Variants in REC114 observed in about 807,000 individuals in gnomAD.
REC114 encodes the protein meiotic recombination protein REC114.
Under a neutral mutation model 31.3 loss-of-function variants are expected in REC114, and 27 were observed. The ratio of observed to expected loss-of-function variants is 0.86; its 90% CI spans 0.64 to 1.19. The LOEUF (loss-of-function observed/expected upper bound fraction) is 1.19, where lower values mean the gene tolerates loss of function less well. REC114 is among the 50% of genes most tolerant of loss of function. The pLI is 0.00. For synonymous variants in REC114, 134 were observed against 127.7 expected (o/e 1.05, Z -0.33); for missense variants, 344 against 326.9 (o/e 1.05, Z -0.40).
chr15:73,480,763 C>T (rs972751898), intron 2 of REC114, among the ~76,000 whole-genome samples: 4 of 152,094 alleles, frequency 2.6e-5, no homozygotes, highest in Admixed American at 2.0e-4. Context: ...CTGCAACCTC[C>T]GCCTCCTGGG....
intron 2 of REC114, among the ~76,000 whole-genome samples, chr15:73,493,176 AC>A (rs1893469353): frequency 6.6e-6 from 1 of 151,682 alleles, no homozygotes; most frequent in Non-Finnish European, 1.5e-5. Context: ...ATGCCAACAC[AC>A]CCAGCTAATA....
intron 1 of REC114, among the ~76,000 whole-genome samples, chr15:73,467,681 A>G (rs1893080273): frequency 6.6e-6 from 1 of 152,164 alleles, no homozygotes; most frequent in Non-Finnish European, 1.5e-5. Context: ...TTCTTGAAAA[A>G]TTTGGAATTT....
chr15:73,474,458 G>A (rs1893181421), intron 2 of REC114, among the ~76,000 whole-genome samples: 1 of 151,956 alleles, frequency 6.6e-6, no homozygotes, highest in Admixed American at 6.6e-5. Context: ...GTTTTATTTG[G>A]TACATAGAAA....
At chr15:73,547,649 C>T (rs1259171786) in intron 3 of REC114, among the ~76,000 whole-genome samples, 1 of 152,164 alleles carries the variant, frequency 6.6e-6, no homozygotes, top group Non-Finnish European at 1.5e-5. Flanking sequence ...CCTAAGTGTT[C>T]ATCAGCAGAT....
rs545753339 is a variant in REC114, at chr15:73,473,399, A to AC, written c.160-432dup. ...AGTGAAACTCTGTCTCAAAAAAAAA[A>AC]CAAAAAAGAAAAGAAAAATGGATTA... On this transcript the variant is annotated intron_variant, in intron 1 of 5. Coordinates refer to ENST00000331090, the MANE Select transcript of REC114 (RefSeq NM_001042367.2). Among the ~76,000 whole-genome samples, 176 of 152,144 alleles carry AC rather than the reference A, an allele frequency of 1.2e-3. 1 individual carries two copies. Among genetic ancestry groups the AC allele is most frequent in the African/African-American group, 4.1e-3 (171 of 41,484 alleles).
At position 73,514,218 on chromosome 15, in the gene REC114, C is replaced by T. The variant is rs562649424; in HGVS notation, c.250-26267C>T. On this transcript the variant is annotated intron_variant, in intron 2 of 5. Coordinates refer to ENST00000331090, the MANE Select transcript of REC114 (RefSeq NM_001042367.2). ...AGTGACCCGATTTTCCAGGTGCGTC[C>T]GTCACCCCTTTCTTTGACTCGGAAA... Among the ~76,000 whole-genome samples the T allele has an allele frequency of 8.6e-5, 13 of 151,290 alleles. No individual in the cohort carries two copies. In the South Asian group the frequency reaches 1.1e-3, roughly 12 times the overall value.
At position 73,556,401 on chromosome 15, in the gene REC114, A is replaced by G. The variant is rs777321480; in HGVS notation, c.636+10A>G. The G allele has an allele frequency of 2.4e-5, 39 of 1,607,168 alleles. No homozygotes were observed. Among genetic ancestry groups the G allele is most frequent in the Non-Finnish European group, 3.2e-5 (38 of 1,176,714 alleles). On this transcript the variant is annotated intron_variant, in intron 5 of 5. Coordinates refer to ENST00000331090, the MANE Select transcript of REC114 (RefSeq NM_001042367.2). ...GACGCAGTTAGCTCAGGTAGAGCTT[A>G]TTTCTGTGTTCAATTTTCTTGTCAT...
intron 1 of REC114, among the ~76,000 whole-genome samples, chr15:73,454,267 G>A (rs1452559708): frequency 6.6e-6 from 1 of 152,012 alleles, no homozygotes; most frequent in Non-Finnish European, 1.5e-5. Flanking sequence ...TAACTTTGTT[G>A]AATGATGCTG....
chr15:73,474,511 G>C (rs919146446), intron 2 of REC114, among the ~76,000 whole-genome samples: 1 of 152,070 alleles, frequency 6.6e-6, no homozygotes, highest in Admixed American at 6.5e-5. Flanking sequence ...CCAATCAAAG[G>C]AATTGTACAA....
intron 1 of REC114, among the ~76,000 whole-genome samples, chr15:73,457,418 C>T (rs1182784965): frequency 6.6e-6 from 1 of 152,114 alleles, no homozygotes; most frequent in Non-Finnish European, 1.5e-5. Context: ...TCCCTTCGTA[C>T]AGGTCTCTCT....
At chr15:73,477,736 G>A (rs1180308609) in intron 2 of REC114, among the ~76,000 whole-genome samples, 2 of 152,050 alleles carry the variant, frequency 1.3e-5, no homozygotes, top group South Asian at 2.1e-4. Context: ...TTTTAAAAAT[G>A]TTTTCTTCTA....
intron 2 of REC114, among the ~76,000 whole-genome samples, chr15:73,517,550 G>A (rs1893876695): frequency 6.6e-6 from 1 of 151,986 alleles, no homozygotes. Flanking sequence ...GGAAAACTTT[G>A]AAGTTTCTGG....
chr15:73,472,788 A>G (rs537609093), intron 1 of REC114, among the ~76,000 whole-genome samples: 18 of 152,274 alleles, frequency 1.2e-4, no homozygotes, highest in African/African-American at 2.2e-4. Context: ...TATAGATCCA[A>G]TCTAACAAGA....
chr15:73,513,865 A>G (rs1045030888), intron 2 of REC114, among the ~76,000 whole-genome samples: 2 of 151,848 alleles, frequency 1.3e-5, no homozygotes, highest in Non-Finnish European at 2.9e-5. Context: ...AGACAGGGAC[A>G]TTTAAGTCTG....
At position 73,443,332 on chromosome 15, in the gene REC114, C is replaced by A; in HGVS notation, c.147C>A (p.Cys49Ter). 6.3e-7 allele frequency: 1 copy of A among 1,578,330 alleles called. No homozygotes were observed. Among genetic ancestry groups the A allele is most frequent in the Admixed American group, 1.8e-5 (1 of 54,612 alleles). ...GCCTGGAAGCTGGGACAGCCCCCTG[C>A]CCCACATGGAAGGTGAGGCCCGAAG... is the stretch of plus-strand genomic sequence containing the variant. ...GPCLEAGTAP[C>*]PTWKVFDSNE... The change falls in exon 1 of 6, where the codon TGC becomes TGA. Residue 49 changes from cysteine (C) to a stop codon, truncating the protein, a stop_gained. Coordinates refer to ENST00000331090, the MANE Select transcript of REC114 (RefSeq NM_001042367.2). LOFTEE classifies it high-confidence loss of function.
At chr15:73,526,843 A>G (rs1894015413) in intron 2 of REC114, among the ~76,000 whole-genome samples, 1 of 152,136 alleles carries the variant, frequency 6.6e-6, no homozygotes, top group Non-Finnish European at 1.5e-5. Flanking sequence ...TCCTTTAAAG[A>G]GTACAGAATT....
Position 73,559,779 on chromosome 15 carries a change from C to T in REC114, c.664C>T (p.His222Tyr). 1 of 1,598,220 alleles carries T rather than the reference C, an allele frequency of 6.3e-7. No individual in the cohort carries two copies. Among genetic ancestry groups the T allele is most frequent in the African/African-American group, 1.4e-5 (1 of 73,918 alleles). The change falls in exon 6 of 6, where the codon CAT (histidine) becomes TAT (tyrosine). Residue 222 changes from histidine (H) to tyrosine (Y), a missense_variant. Physicochemically the swap from His to Tyr is moderately conservative, Grantham distance 83 (BLOSUM62 2). Transcript: ENST00000331090. ...TCTTCTGGCATCGGAGGAGCTGCCC[C>T]ATGTCTATGAACAATCTGCATGGGG... ...QTLLASEELP[H>Y]VYEQSAWGAE...
chr15:73,471,723 T>C (rs751761382), intron 1 of REC114, among the ~76,000 whole-genome samples: 2 of 152,124 alleles, frequency 1.3e-5, no homozygotes, highest in Non-Finnish European at 2.9e-5. Flanking sequence ...TATGTAAGAA[T>C]GTTCATAACA....
At chr15:73,473,443 G>A (rs1037410767) in intron 1 of REC114, among the ~76,000 whole-genome samples, 2 of 151,914 alleles carry the variant, frequency 1.3e-5, no homozygotes. Flanking sequence ...AAGAAATTGG[G>A]ACTGTGAAGT....
Sources: gnomAD v4.1 joint callset for allele counts (sites outside exome capture counted in the v4.1 genomes callset) on GRCh38, gnomAD v4.1.1 for gene constraint, MANE v1.5 for transcripts, NCBI Gene and HGNC (gene_info 2026-07-23, HGNC 2026-07-21) for gene names.